The following HLA-DRB5 variants were observed in gnomAD, a reference collection of about 807,000 sequenced individuals.
HLA-DRB5 encodes major histocompatibility complex, class II, DR beta 5.
Under a neutral mutation model 22.4 loss-of-function variants are expected in HLA-DRB5, and 11 were observed. The ratio of observed to expected loss-of-function variants is 0.49; its 90% confidence interval spans 0.31 to 0.81. The LOEUF is 0.81. Ranked by LOEUF, HLA-DRB5 falls within the 40% of genes least tolerant of loss-of-function variation. HLA-DRB5 has a pLI of 0.05. For missense variants in HLA-DRB5, 106 were observed against 274.4 expected (o/e 0.39, Z 4.34); for synonymous variants, 57 against 106.0 (o/e 0.54, Z 2.84).
At chr6:32,525,055 A>G (rs1362958738) in intron 1 of HLA-DRB5, among the ~76,000 whole-genome samples, 1 of 63,858 alleles carries the variant, frequency 1.6e-5, no homozygotes, top group African/African-American at 5.9e-5. Flanking sequence ...TTTCTTTTAT[A>G]CATTGGAACT....
rs771632640 is a variant in HLA-DRB5 at position 32,521,811 on chromosome 6, TCACACACACACACACA to T, written c.370+78_370+93del. Reference sequence around the variant, plus strand: ...CTCTGTCTCTCTCTTCCTCTCTCTCTCACACACACACACACACACACACACACACACACACACACAC... The same window carrying T: ...CTCTGTCTCTCTCTTCCTCTCTCTCTCACACACACACACACACACACACAC... On this transcript the variant is annotated intron_variant, in intron 2 of 5. Transcript: ENST00000374975. 2.3e-3 allele frequency: 561 copies of T among 248,808 alleles called. 9 individuals are homozygous for T. The highest frequency in any genetic ancestry group is 0.016 in the East Asian group (251 of 15,216). 15.4% of individuals were successfully genotyped at this position (248,808 alleles called of 1,614,324 possible).
intron 2 of HLA-DRB5, among the ~76,000 whole-genome samples, chr6:32,520,761 A>AATTTT (rs1768747333): frequency 2.1e-5 from 1 of 48,114 alleles, no homozygotes; most frequent in African/African-American, 7.7e-5. Context: ...CATTAATAAA[A>AATTTT]GTTTTGGAAT....
chr6:32,524,980 C>T (rs755448464), intron 1 of HLA-DRB5, among the ~76,000 whole-genome samples: 2 of 40,094 alleles, frequency 5.0e-5, no homozygotes, highest in African/African-American at 9.3e-5. Flanking sequence ...TCTTTATGTT[C>T]TTCAACACAT....
At chr6:32,525,733 G>A (rs199516615) in intron 1 of HLA-DRB5, among the ~76,000 whole-genome samples, 41,248 of 130,186 alleles carry the variant, frequency 0.32, 9,376 homozygotes, top group Admixed American at 0.39. Context: ...CACAGATACA[G>A]CAGGATCATT....
chr6:32,526,330 G>T (rs570540391), intron 1 of HLA-DRB5, among the ~76,000 whole-genome samples: 29 of 22,812 alleles, frequency 1.3e-3, no homozygotes, highest in South Asian at 3.5e-3. Context: ...TTACACATAT[G>T]ATGTAATCTT....
At chr6:32,528,335 T>A (rs796543720) in intron 1 of HLA-DRB5, among the ~76,000 whole-genome samples, 55,758 of 95,846 alleles carry the variant, frequency 0.58, 11,807 homozygotes, top group Middle Eastern at 0.65. Flanking sequence ...TTGTGTAACC[T>A]TGAGAGTCGG....
intron 2 of HLA-DRB5, among the ~76,000 whole-genome samples, chr6:32,520,422 C>A (rs144049830): frequency 1.7e-5 from 1 of 59,210 alleles, no homozygotes; most frequent in African/African-American, 7.0e-5. Context: ...TTTAAGTTCC[C>A]AGCAAAGCAT....
Position 32,521,948 on chromosome 6 carries a change from T to C in HLA-DRB5, c.327A>G (p.Arg109=), listed in dbSNP as rs1319536243. The change falls in exon 2 of 6, where the codon AGA becomes AGG. Residue 109 remains arginine, a synonymous_variant. Transcript: ENST00000374975. ...AGCTCTCACCAACCCCGTAGTTGTGTCTGCAGTAGGTGTCCACCGCGGCGC... is the reference window on the plus strand; with the variant it reads ...AGCTCTCACCAACCCCGTAGTTGTGCCTGCAGTAGGTGTCCACCGCGGCGC... ...DRRAAVDTYC[R]HNYGVGESFT... 5 of 1,538,904 alleles carry C rather than the reference T, an allele frequency of 3.2e-6. No individual in the cohort carries two copies. The highest frequency in any genetic ancestry group is 4.4e-6 in the Non-Finnish European group (5 of 1,124,284).
chr6:32,523,208 T>A (rs73726180), intron 1 of HLA-DRB5, among the ~76,000 whole-genome samples: 2,774 of 33,460 alleles, frequency 0.083, 764 homozygotes, highest in Middle Eastern at 0.11. Flanking sequence ...AAAGCTCAGA[T>A]ATTCAGTTAA....
At chr6:32,525,685 C>A (rs1769526272) in intron 1 of HLA-DRB5, among the ~76,000 whole-genome samples, 1 of 107,744 alleles carries the variant, frequency 9.3e-6, no homozygotes, top group Non-Finnish European at 2.0e-5. Flanking sequence ...TATAACCTTT[C>A]AATTTTAGAT....
intron 3 of HLA-DRB5, among the ~76,000 whole-genome samples, chr6:32,519,009 C>A (rs35209896): frequency 0.056 from 6,217 of 111,362 alleles, 215 homozygotes; most frequent in Non-Finnish European, 0.063. Flanking sequence ...AGGAAGGCCC[C>A]TACACTTCTC....
At position 32,527,158 on chromosome 6, in the gene HLA-DRB5, G is replaced by A. The variant is rs774389240; in HGVS notation, c.100+2967C>T. Among the ~76,000 whole-genome samples, 54 of 111,354 alleles carry A rather than the reference G, an allele frequency of 4.8e-4. No homozygotes were observed. The Admixed American group carries it at 5.4e-3, about 11-fold the overall frequency. The allele number at this position is 111,354 out of a possible 152,430, so 73.1% of individuals were successfully genotyped here. ...TCCTAAATAGTCTTCCTAACCACTT[G>A]TCAACCCCAACAATCCAATCCCCAC... On this transcript the variant is annotated intron_variant, in intron 1 of 5. Transcript: ENST00000374975.
In HLA-DRB5 at chr6:32,530,252, C is replaced by T. The variant is rs1414968376; in HGVS notation, c.-28G>A. On this transcript the variant is annotated 5_prime_UTR_variant, in exon 1 of 6. Transcript: ENST00000374975. ...TGGAGAACAGGACAGGACCAGGGGC[C>T]AGAGGAGCAGGCAAGTCTCACTCAG... 7.3e-7 allele frequency: 1 copy of T among 1,364,006 alleles called. No homozygotes were observed. The highest frequency in any genetic ancestry group is 1.5e-5 in the African/African-American group (1 of 65,660). The allele number at this position is 1,364,006 out of a possible 1,614,324, so 84.5% of individuals were successfully genotyped here. A position where few individuals can be genotyped will look rare whatever the true frequency, so the allele number is the denominator to read the frequency against.
At chr6:32,524,854 C>T (rs148024059) in intron 1 of HLA-DRB5, among the ~76,000 whole-genome samples, 2,574 of 44,610 alleles carry the variant, frequency 0.058, 92 homozygotes, top group East Asian at 0.12. Flanking sequence ...ATCTGGATTT[C>T]CAATAAATTG....
intron 2 of HLA-DRB5, among the ~76,000 whole-genome samples, chr6:32,519,873 A>AG (rs1768614247): frequency 1.2e-5 from 1 of 80,608 alleles, no homozygotes. Context: ...TTTCTTCATC[A>AG]CTTGAAATTG....
At chr6:32,521,436 G>A (rs1279081739) in intron 2 of HLA-DRB5, among the ~76,000 whole-genome samples, 450 of 108,040 alleles carry the variant, frequency 4.2e-3, no homozygotes, top group Middle Eastern at 8.6e-3. Context: ...CGTGAAGGGT[G>A]GGTGCCAGGG....
chr6:32,527,210 T>C (rs1304786337), intron 1 of HLA-DRB5, among the ~76,000 whole-genome samples: 12 of 40,112 alleles, frequency 3.0e-4, no homozygotes, highest in Admixed American at 6.5e-4. Flanking sequence ...GTTTTAAAAA[T>C]TCAATATAGG....
In HLA-DRB5 at chr6:32,529,161, A is replaced by T. The variant is rs1770009884; in HGVS notation, c.100+964T>A. Among the ~76,000 whole-genome samples, 3 of 139,944 alleles carry T rather than the reference A, an allele frequency of 2.1e-5. No individual in the cohort carries two copies. In the South Asian group the frequency reaches 7.0e-4, roughly 33 times the overall value. The allele number at this position is 139,944 out of a possible 152,430, so 91.8% of individuals were successfully genotyped here. A position where few individuals can be genotyped will look rare whatever the true frequency, so the allele number is the denominator to read the frequency against. ...CCCAGTAAGACAATGAGTTCCCAGG[A>T]CTTGATCATTAACTTTCAGCCCTAT... On this transcript the variant is annotated intron_variant, in intron 1 of 5. Coordinates refer to ENST00000374975, the MANE Select transcript of HLA-DRB5 (RefSeq NM_002125.4).
intron 1 of HLA-DRB5, among the ~76,000 whole-genome samples, chr6:32,522,703 A>C (rs182191708): frequency 0.14 from 6,719 of 46,830 alleles, 1,244 homozygotes; most frequent in Middle Eastern, 0.33. Context: ...AAGTGAGGCC[A>C]AAAACCAAAC....
Sources: gnomAD v4.1 joint callset for allele counts (sites outside exome capture counted in the v4.1 genomes callset) on GRCh38, gnomAD v4.1.1 for gene constraint, MANE v1.5 for transcripts, NCBI Gene and HGNC (gene_info 2026-07-23, HGNC 2026-07-21) for gene names.